VPS13A: variants seen among roughly 807,000 people sequenced by gnomAD.
The protein encoded by VPS13A is intermembrane lipid transfer protein VPS13A.
A neutral mutation model predicts 390.9 loss-of-function variants in VPS13A; 264 were observed. The ratio of observed to expected loss-of-function variants is 0.68; its 90% confidence interval spans 0.61 to 0.75. The LOEUF is 0.75. VPS13A is among the 30% of genes least tolerant of loss of function. VPS13A has a pLI of 0.00. For missense variants in VPS13A, 3,409 were observed against 3,733.9 expected, an observed-to-expected ratio of 0.91 and a Z score of 2.27; for synonymous variants, 1,231 against 1,227.1, an observed-to-expected ratio of 1.00 and a Z score of -0.07.
At chr9:77,362,564 T>A (rs994496748) in intron 59 of VPS13A, among the ~76,000 whole-genome samples, 1 of 152,238 alleles carries the variant, frequency 6.6e-6, no homozygotes, top group Non-Finnish European at 1.5e-5. Context: ...TCCTACTTTG[T>A]CCTTCTTTTT....
intron 69 of VPS13A, 52 bp from the exon 70 acceptor site, chr9:77,405,812 T>C (rs1834574190): frequency 6.2e-7 from 1 of 1,606,162 alleles, no homozygotes; most frequent in African/African-American, 1.3e-5. Flanking sequence ...TGTTATTGGA[T>C]ATAAGTGCCT....
chr9:77,380,662 G>A (rs1320110509), intron 67 of VPS13A, among the ~76,000 whole-genome samples: 1 of 152,172 alleles, frequency 6.6e-6, no homozygotes, highest in Non-Finnish European at 1.5e-5. Flanking sequence ...CCATGCATGT[G>A]TATACATTAT....
In VPS13A at chr9:77,211,482, G is replaced by A. The variant is rs117357072; in HGVS notation, c.555+807G>A. The A allele has an allele frequency of 7.2e-4, 110 of 151,974 alleles. 1 individual carries two copies. The East Asian group carries it at 0.02, about 28-fold the overall frequency. The allele number at this position is 151,974 out of a possible 1,614,324, so 9.4% of individuals were successfully genotyped here. A position where few individuals can be genotyped will look rare whatever the true frequency, so the allele number is the denominator to read the frequency against. On this transcript the variant is annotated intron_variant, in intron 7 of 71. Coordinates refer to ENST00000360280, the MANE Select transcript of VPS13A (RefSeq NM_033305.3). ...TGTATTTCATTGCATGATTTTATTT[G>A]TTGTATCTATTGGGTTTTGTGTAAG...
In VPS13A at chr9:77,366,992, T is replaced by C. The variant is rs1434772276; in HGVS notation, c.8471+120T>C. ...TGCAGATCATAGGCAAAATGAGGTT[T>C]TTGCATTCAAGTGAAGTGCAATCTG... On this transcript the variant is annotated intron_variant, in intron 61 of 71. Coordinates refer to ENST00000360280, the MANE Select transcript of VPS13A (RefSeq NM_033305.3). 4 of 1,013,354 alleles carry C rather than the reference T, an allele frequency of 3.9e-6. No individual in the cohort carries two copies. In the East Asian group the frequency reaches 1.1e-4, roughly 27 times the overall value. The allele number at this position is 1,013,354 out of a possible 1,614,324, so 62.8% of individuals were successfully genotyped here.
At chr9:77,295,418 A>G in intron 32 of VPS13A, 124 bp from the exon 33 acceptor site, 1 of 790,144 alleles carries the variant, frequency 1.3e-6, no homozygotes, top group Non-Finnish European at 1.8e-6. Context: ...TTTTGAATAA[A>G]TAATGCTTGG....
At position 77,221,167 on chromosome 9, in the gene VPS13A, TTTTC is replaced by T. The variant is rs1424590046; in HGVS notation, c.990-14_990-11del. ...CTGTTGATTTGAGGGTGTTAAATGT[TTTTC>T]TTTTTTTAACTAGGTGGGCTTATGC... On this transcript the variant is annotated splice_polypyrimidine_tract_variant and intron_variant, in intron 12 of 71. Coordinates refer to ENST00000360280, the MANE Select transcript of VPS13A (RefSeq NM_033305.3). 6.2e-7 allele frequency: 1 copy of T among 1,612,516 alleles called. No homozygotes were observed. The highest frequency in any genetic ancestry group is 8.5e-7 in the Non-Finnish European group (1 of 1,178,926).
At chr9:77,363,267 T>G (rs1163798662) in intron 59 of VPS13A, among the ~76,000 whole-genome samples, 1 of 152,090 alleles carries the variant, frequency 6.6e-6, no homozygotes. Flanking sequence ...TTGAGGAAGT[T>G]CTTTTCTTAG....
At chr9:77,380,376 G>C (rs1198584609) in intron 67 of VPS13A, among the ~76,000 whole-genome samples, 2 of 151,920 alleles carry the variant, frequency 1.3e-5, no homozygotes, top group Non-Finnish European at 2.9e-5. Context: ...GCAGTGGCAT[G>C]ATCTCGGCTC....
rs1834577610 is a variant in VPS13A at position 77,405,870 on chromosome 9, A to ATTGT, written c.9287_9290dup (p.Thr3098CysfsTer12). 1.2e-6 allele frequency: 2 copies of ATTGT among 1,613,536 alleles called. No individual in the cohort carries two copies. Among genetic ancestry groups the ATTGT allele is most frequent in the Admixed American group, 3.3e-5 (2 of 60,014 alleles). On this transcript the variant is annotated frameshift_variant, in exon 70 of 72. Coordinates refer to ENST00000360280, the MANE Select transcript of VPS13A (RefSeq NM_033305.3). LOFTEE classifies it high-confidence loss of function. ...TTTGTTTTTCTTTTTGCAGTGGTGTATTGTTTGTAACAAAGGGAACATTTG... is the reference window on the plus strand; with the variant it reads ...TTTGTTTTTCTTTTTGCAGTGGTGTATTGTTTGTTTGTAACAAAGGGAACATTTG...
At chr9:77,329,200 C>T (rs933007333) in intron 45 of VPS13A, among the ~76,000 whole-genome samples, 3 of 152,194 alleles carry the variant, frequency 2.0e-5, no homozygotes, top group African/African-American at 7.2e-5. Context: ...ATCCAGACCA[C>T]TAGAGTATTC....
intron 68 of VPS13A, among the ~76,000 whole-genome samples, chr9:77,388,322 C>A (rs1374244871): frequency 6.6e-6 from 1 of 151,960 alleles, no homozygotes; most frequent in African/African-American, 2.4e-5. Context: ...CGTAGAAAGT[C>A]CATCAAAGGA....
chr9:77,261,845 A>G (rs752735146), intron 23 of VPS13A, among the ~76,000 whole-genome samples: 1 of 152,182 alleles, frequency 6.6e-6, no homozygotes, highest in Non-Finnish European at 1.5e-5. Context: ...CTGGGCTCCC[A>G]AGTACTGGGA....
rs753118278 is a variant in VPS13A, at chr9:77,405,844, T to TTTTG, written c.9276-16_9276-13dup. 1.9e-6 allele frequency: 3 copies of TTTTG among 1,612,434 alleles called. No homozygotes were observed. The highest frequency in any genetic ancestry group is 2.5e-6 in the Non-Finnish European group (3 of 1,179,864). On this transcript the variant is annotated intron_variant, in intron 69 of 71. Coordinates refer to ENST00000360280, the MANE Select transcript of VPS13A (RefSeq NM_033305.3). ...GCCTCAATTTTAAAGCGAATTCTTTTTTTGTTTTTCTTTTTGCAGTGGTGT... is the reference window on the plus strand; with the variant it reads ...GCCTCAATTTTAAAGCGAATTCTTTTTTTGTTTGTTTTTCTTTTTGCAGTGGTGT...
At chr9:77,231,772 G>T (rs1042664599) in intron 17 of VPS13A, among the ~76,000 whole-genome samples, 4 of 151,980 alleles carry the variant, frequency 2.6e-5, no homozygotes, top group African/African-American at 9.7e-5. Context: ...ACTTCATCCG[G>T]TCTTATATTT....
intron 62 of VPS13A, 31 bp downstream of exon 62, chr9:77,368,167 G>T (rs72746094): frequency 6.4e-7 from 1 of 1,565,442 alleles, no homozygotes. Flanking sequence ...CAGAGGGACA[G>T]AGTGATACAG....
intron 62 of VPS13A, 134 bp downstream of exon 62, chr9:77,368,270 C>A: frequency 1.3e-6 from 1 of 741,740 alleles, no homozygotes; most frequent in Non-Finnish European, 2.2e-6. Context: ...TGGGTATTTT[C>A]CTCAGAATTA....
intron 27 of VPS13A, among the ~76,000 whole-genome samples, chr9:77,281,409 G>A (rs1827018115): frequency 6.6e-6 from 1 of 151,932 alleles, no homozygotes; most frequent in Admixed American, 6.6e-5. Context: ...CTCCATAAGT[G>A]TATATAATTA....
intron 42 of VPS13A, among the ~76,000 whole-genome samples, chr9:77,320,576 T>C (rs1330655290): frequency 6.6e-6 from 1 of 152,260 alleles, no homozygotes; most frequent in East Asian, 1.9e-4. Context: ...GTGACTAGCT[T>C]AGCATGTTGA....
In VPS13A at chr9:77,371,236, G is replaced by A. The variant is rs1028492434; in HGVS notation, c.9077+87G>A. The A allele has an allele frequency of 1.4e-5, 22 of 1,574,670 alleles. No homozygotes were observed. The Admixed American group carries it at 2.4e-4, about 17-fold the overall frequency. On this transcript the variant is annotated intron_variant, in intron 67 of 71. Transcript: ENST00000360280. ...TCTGCTCTTTGGCTTCAGGCATTTA[G>A]TTATTGTCTTTGTTTTGTGCTGCTA...
Sources: gnomAD v4.1 joint callset for allele counts (sites outside exome capture counted in the v4.1 genomes callset) on GRCh38, gnomAD v4.1.1 for gene constraint, MANE v1.5 for transcripts, NCBI Gene and HGNC (gene_info 2026-07-23, HGNC 2026-07-21) for gene names.